Variants in SGPP2 observed in about 807,000 individuals in gnomAD.
SGPP2 encodes sphingosine 1-phosphate phosphohydrolase 2.
SGPP2 carries 30 observed loss-of-function variants against 33.9 expected under a neutral mutation model. The ratio of observed to expected loss-of-function variants is 0.89; its 90% CI spans 0.66 to 1.20. The LOEUF (loss-of-function observed/expected upper bound fraction) is 1.20, where lower values mean the gene tolerates loss of function less well. SGPP2 is among the 50% of genes most tolerant of loss of function. The pLI is 0.00. For synonymous variants in SGPP2, 233 were observed against 225.0 expected (o/e 1.04, Z -0.32); for missense variants, 458 against 532.1 (o/e 0.86, Z 1.37).
intron 1 of SGPP2, among the ~76,000 whole-genome samples, chr2:222,442,334 G>A (rs1164548040): frequency 6.6e-6 from 1 of 152,136 alleles, no homozygotes; most frequent in African/African-American, 2.4e-5. Context: ...TTGGATCTTG[G>A]TTTCTCTTCA....
Position 222,424,836 on chromosome 2 carries a change from G to T in SGPP2, c.219+15G>T. Reference sequence around the variant, plus strand: ...CGGCGCCGGAGGTAACCATGGGCAGGTGTTCGCCGGGTACGGGGAGGGGGC... The same window carrying T: ...CGGCGCCGGAGGTAACCATGGGCAGTTGTTCGCCGGGTACGGGGAGGGGGC... On this transcript the variant is annotated intron_variant, in intron 1 of 4. Coordinates refer to ENST00000321276, the MANE Select transcript of SGPP2 (RefSeq NM_152386.4). 2 of 1,335,188 alleles carry T rather than the reference G, an allele frequency of 1.5e-6. No individual in the cohort carries two copies. The highest frequency in any genetic ancestry group is 1.9e-6 in the Non-Finnish European group (2 of 1,045,362). The allele number at this position is 1,335,188 out of a possible 1,614,324, so 82.7% of individuals were successfully genotyped here. A position where few individuals can be genotyped will look rare whatever the true frequency, so the allele number is the denominator to read the frequency against.
chr2:222,525,975 C>T (rs758572561), intron 4 of SGPP2, among the ~76,000 whole-genome samples: 6 of 151,976 alleles, frequency 3.9e-5, no homozygotes, highest in African/African-American at 9.7e-5. Flanking sequence ...GAACAGAGGC[C>T]GAAGTAACTC....
At chr2:222,447,138 T>C (rs1292421764) in intron 1 of SGPP2, among the ~76,000 whole-genome samples, 1 of 152,204 alleles carries the variant, frequency 6.6e-6, no homozygotes, top group Non-Finnish European at 1.5e-5. Context: ...AGATAGCTGC[T>C]GTTGCTTCTG....
At chr2:222,534,756 A>G (rs1325926631) in intron 4 of SGPP2, among the ~76,000 whole-genome samples, 2 of 152,198 alleles carry the variant, frequency 1.3e-5, no homozygotes, top group Non-Finnish European at 2.9e-5. Context: ...AGCATCAGTC[A>G]CTATGTTAGT....
intron 2 of SGPP2, among the ~76,000 whole-genome samples, chr2:222,484,348 C>T (rs973479119): frequency 2.6e-5 from 4 of 152,178 alleles, no homozygotes; most frequent in Admixed American, 6.5e-5. Context: ...AGATAGAGCC[C>T]GTTGTTCCCC....
At chr2:222,557,029 T>C (rs1265296174) in intron 4 of SGPP2, among the ~76,000 whole-genome samples, 1 of 152,084 alleles carries the variant, frequency 6.6e-6, no homozygotes, top group Non-Finnish European at 1.5e-5. Context: ...GTCATGTTGC[T>C]ACCCAGTGAG....
At chr2:222,452,623 G>A in intron 1 of SGPP2, 2 of 1,354,178 alleles carry the variant, frequency 1.5e-6, no homozygotes, top group African/African-American at 1.4e-5. Context: ...TTCCAGAACT[G>A]GGTGCACCAG....
At chr2:222,488,992 A>G (rs1698157096) in intron 2 of SGPP2, among the ~76,000 whole-genome samples, 1 of 152,214 alleles carries the variant, frequency 6.6e-6, no homozygotes, top group Non-Finnish European at 1.5e-5. Flanking sequence ...AGGTTTTCCA[A>G]AAACACTGTA....
chr2:222,541,675 G>A (rs563217715), intron 4 of SGPP2, among the ~76,000 whole-genome samples: 5 of 151,756 alleles, frequency 3.3e-5, no homozygotes, highest in African/African-American at 7.3e-5. Flanking sequence ...GTGCGGTGGC[G>A]CTATCTCAGT....
intron 2 of SGPP2, among the ~76,000 whole-genome samples, chr2:222,491,688 GC>G (rs1281776609): frequency 2.0e-5 from 3 of 152,008 alleles, no homozygotes; most frequent in Admixed American, 2.0e-4. Context: ...ATATTATTCT[GC>G]CCCTGGCCCT....
At chr2:222,426,948 C>T (rs1330631497) in intron 1 of SGPP2, among the ~76,000 whole-genome samples, 1 of 152,190 alleles carries the variant, frequency 6.6e-6, no homozygotes, top group African/African-American at 2.4e-5. Context: ...CTCTAAATAT[C>T]CTCCCCACTC....
chr2:222,541,133 C>T (rs1407772699), intron 4 of SGPP2, among the ~76,000 whole-genome samples: 2 of 152,262 alleles, frequency 1.3e-5, no homozygotes, highest in East Asian at 3.9e-4. Flanking sequence ...TAAACTTTGA[C>T]TTGTAAAAAA....
At chr2:222,519,198 A>G (rs1409049250) in intron 2 of SGPP2, among the ~76,000 whole-genome samples, 2 of 152,228 alleles carry the variant, frequency 1.3e-5, no homozygotes, top group African/African-American at 4.8e-5. Flanking sequence ...TTTGTACAAG[A>G]GGACTATATA....
Position 222,480,127 on chromosome 2 carries a change from G to A in SGPP2, c.378+5401G>A, listed in dbSNP as rs563549165. On this transcript the variant is annotated intron_variant, in intron 2 of 4. Transcript: ENST00000321276. ...ATCTCTTCACTTTCATTTTGGCATG[G>A]TGACAGACCTAACAAAAAAATAAAA... 9.2e-5 allele frequency among the ~76,000 whole-genome samples: 14 copies of A among 152,250 alleles called. No individual in the cohort carries two copies. In the South Asian group the frequency reaches 2.9e-3, roughly 32 times the overall value.
chr2:222,451,793 A>G (rs1184384805), intron 1 of SGPP2, among the ~76,000 whole-genome samples: 1 of 152,240 alleles, frequency 6.6e-6, no homozygotes. Flanking sequence ...TGAGCATGGT[A>G]GCAGAGATAC....
At position 222,561,453 on chromosome 2, in the gene SGPP2, G is replaced by T. The variant is rs1405729076; in HGVS notation, c.*2555G>T. ...ACAAAAGGATCAGCTTTTCCCACTT[G>T]TATTTTTTAAAAAGAGGGATTGTGA... On this transcript the variant is annotated 3_prime_UTR_variant, in exon 5 of 5. Coordinates refer to ENST00000321276, the MANE Select transcript of SGPP2 (RefSeq NM_152386.4). 2.0e-5 allele frequency among the ~76,000 whole-genome samples: 3 copies of T among 151,670 alleles called. No individual in the cohort carries two copies. Among genetic ancestry groups the T allele is most frequent in the Non-Finnish European group, 4.4e-5 (3 of 67,930 alleles).
intron 2 of SGPP2, among the ~76,000 whole-genome samples, chr2:222,510,473 C>T (rs529536992): frequency 6.6e-6 from 1 of 152,268 alleles, no homozygotes; most frequent in African/African-American, 2.4e-5. Flanking sequence ...ACTGTAAATC[C>T]CAGCAGTTTG....
At position 222,559,176 on chromosome 2, in the gene SGPP2, G is replaced by GGC. The variant is rs1553543495; in HGVS notation, c.*278_*279insGC. The stretch of plus-strand genomic sequence containing the variant: ...CACACACCGCGCCCCCCCCCCCCCC[G>GGC]CCCGGCCCCTGCTCCTCTCGCTGTT... On this transcript the variant is annotated 3_prime_UTR_variant, in exon 5 of 5. Coordinates refer to ENST00000321276, the MANE Select transcript of SGPP2 (RefSeq NM_152386.4). The GGC allele has an allele frequency of 1.4e-4, 6 of 43,302 alleles. No homozygotes were observed. The highest frequency in any genetic ancestry group is 2.7e-4 in the Non-Finnish European group (6 of 21,918). 2.7% of individuals were successfully genotyped at this position (43,302 alleles called of 1,614,324 possible). A position where few individuals can be genotyped will look rare whatever the true frequency, so the allele number is the denominator to read the frequency against.
At chr2:222,480,494 G>A (rs1486999962) in intron 2 of SGPP2, among the ~76,000 whole-genome samples, 1 of 152,236 alleles carries the variant, frequency 6.6e-6, no homozygotes, top group African/African-American at 2.4e-5. Flanking sequence ...AAAGTGAAGT[G>A]TGGCATGCTG....
Sources: gnomAD v4.1 joint callset for allele counts (sites outside exome capture counted in the v4.1 genomes callset) on GRCh38, gnomAD v4.1.1 for gene constraint, MANE v1.5 for transcripts, NCBI Gene and HGNC (gene_info 2026-07-23, HGNC 2026-07-21) for gene names.